Variants in NFATC3 observed in about 807,000 individuals in gnomAD.
The protein encoded by NFATC3 is nuclear factor of activated T cells 3, also known as nuclear factor of activated T-cells, cytoplasmic 3.
In NFATC3, 46 loss-of-function variants were observed where a neutral mutation model predicts 98.6. The observed-to-expected ratio is 0.47, with a 90% CI of 0.37 to 0.60. NFATC3 has a LOEUF of 0.60. Among genes scored for constraint, NFATC3 ranks in the 20% least tolerant of loss-of-function variants. NFATC3 has a pLI of 0.00. For synonymous variants in NFATC3, 512 were observed against 472.2 expected, an observed-to-expected ratio of 1.08 and a Z score of -1.09; for missense variants, 1,256 against 1,295.5, an observed-to-expected ratio of 0.97 and a Z score of 0.47.
At chr16:68,093,560 C>T (rs920220970) in intron 1 of NFATC3, among the ~76,000 whole-genome samples, 4 of 152,216 alleles carry the variant, frequency 2.6e-5, no homozygotes, top group Non-Finnish European at 5.9e-5. Flanking sequence ...TTTGCGCAAC[C>T]TATAATTTTG....
chr16:68,226,614 C>G lies in NFATC3; in HGVS notation c.*143C>G. 1.0e-6 allele frequency: 1 copy of G among 959,084 alleles called. No individual in the cohort carries two copies. The highest frequency in any genetic ancestry group is 1.5e-6 in the Non-Finnish European group (1 of 688,124). 59.4% of individuals were successfully genotyped at this position (959,084 alleles called of 1,614,324 possible). The stretch of plus-strand genomic sequence containing the variant: ...TGTGGGGAAAGTAGCATTCCTCCAC[C>G]TCAGGCCTTGGGTAGATTTGGCAAA... On this transcript the variant is annotated 3_prime_UTR_variant, in exon 10 of 10. Transcript: ENST00000346183.
chr16:68,157,996 G>A lies in NFATC3; in HGVS notation c.1529G>A (p.Ser510Asn). 2 of 1,613,898 alleles carry A rather than the reference G, an allele frequency of 1.2e-6. No individual in the cohort carries two copies. Among genetic ancestry groups the A allele is most frequent in the Non-Finnish European group, 8.5e-7 (1 of 1,179,910 alleles). ...RITGKTVATA[S>N]QEIIIASTKV... ...ACTGGGAAGACAGTCGCTACTGCAA[G>A]CCAAGAGATAATAATTGCCAGTACA... The change falls in exon 4 of 10, where the codon AGC (serine) becomes AAC (asparagine). Residue 510 changes from serine to asparagine, a missense_variant. Transcript: ENST00000346183.
chr16:68,217,017 T>A (rs987104708), intron 9 of NFATC3, among the ~76,000 whole-genome samples: 4 of 152,200 alleles, frequency 2.6e-5, no homozygotes, highest in African/African-American at 9.7e-5. Flanking sequence ...TATCTTCAAA[T>A]CGTGCATGTA....
chr16:68,085,638 C>A lies in NFATC3; in HGVS notation c.-44C>A. 1 of 1,467,142 alleles carries A rather than the reference C, an allele frequency of 6.8e-7. No homozygotes were observed. Among genetic ancestry groups the A allele is most frequent in the South Asian group, 1.3e-5 (1 of 77,592 alleles). The allele number at this position is 1,467,142 out of a possible 1,614,324, so 90.9% of individuals were successfully genotyped here. A position where few individuals can be genotyped will look rare whatever the true frequency, so the allele number is the denominator to read the frequency against. On this transcript the variant is annotated 5_prime_UTR_variant, in exon 1 of 10. Coordinates refer to ENST00000346183, the MANE Select transcript of NFATC3 (RefSeq NM_173165.3). ...CTGCTGCCGCCGCTTGCCGCTGCCG[C>A]CGCCGCCGCCTGAGGAGGAGCTGCA...
intron 3 of NFATC3, among the ~76,000 whole-genome samples, chr16:68,145,594 T>C (rs1343293780): frequency 3.3e-5 from 5 of 152,162 alleles, no homozygotes; most frequent in South Asian, 2.1e-4. Context: ...CATAGACTTA[T>C]GCTGAGTGGA....
At chr16:68,156,827 T>C (rs932251895) in intron 3 of NFATC3, among the ~76,000 whole-genome samples, 7 of 152,006 alleles carry the variant, frequency 4.6e-5, no homozygotes, top group African/African-American at 1.7e-4. Flanking sequence ...TAATCCCAGC[T>C]ACTCGGGAGG....
chr16:68,183,430 C>T (rs2040027989), intron 8 of NFATC3, 64 bp downstream of exon 8: 14 of 1,558,680 alleles, frequency 9.0e-6, no homozygotes, highest in African/African-American at 4.1e-5. Flanking sequence ...AGTTATTTAA[C>T]GAATCCTATA....
chr16:68,092,440 A>G lies in NFATC3; in HGVS notation c.103+6656A>G, dbSNP rs140874026. 3.1e-4 allele frequency among the ~76,000 whole-genome samples: 46 copies of G among 147,738 alleles called. No individual in the cohort carries two copies. In the East Asian group the frequency reaches 9.1e-3, roughly 29 times the overall value. ...TGCACTCCAGCCTGGGGGACAGAGTAAAACTCTCTCTCAAAAAAAAAAAAA... is the reference window on the plus strand; with the variant it reads ...TGCACTCCAGCCTGGGGGACAGAGTGAAACTCTCTCTCAAAAAAAAAAAAA... On this transcript the variant is annotated intron_variant, in intron 1 of 9. Coordinates refer to ENST00000346183, the MANE Select transcript of NFATC3 (RefSeq NM_173165.3).
chr16:68,086,797 C>T, intron 1 of NFATC3: 1 of 985,044 alleles, frequency 1.0e-6, no homozygotes, highest in Non-Finnish European at 1.2e-6. Context: ...ATTCTCTAGG[C>T]GGTACTTATT....
chr16:68,208,156 C>T (rs2041227071), intron 9 of NFATC3, among the ~76,000 whole-genome samples: 1 of 152,088 alleles, frequency 6.6e-6, no homozygotes, highest in African/African-American at 2.4e-5. Flanking sequence ...CTGCCTCAGC[C>T]TCCTGAGTAG....
intron 1 of NFATC3, among the ~76,000 whole-genome samples, chr16:68,092,233 A>G (rs970334002): frequency 6.6e-6 from 1 of 151,768 alleles, no homozygotes; most frequent in Non-Finnish European, 1.5e-5. Flanking sequence ...AGGCGGGTGG[A>G]TCACCTGAGG....
rs147672259 is a variant in NFATC3 at position 68,127,419 on chromosome 16, G to A, written c.1401+809G>A. Among the ~76,000 whole-genome samples, 786 of 152,192 alleles carry A rather than the reference G, an allele frequency of 5.2e-3. 4 individuals are homozygous for A. Among genetic ancestry groups the A allele is most frequent in the African/African-American group, 0.018 (753 of 41,518 alleles). On this transcript the variant is annotated intron_variant, in intron 3 of 9. Coordinates refer to ENST00000346183, the MANE Select transcript of NFATC3 (RefSeq NM_173165.3). The stretch of plus-strand genomic sequence containing the variant: ...AAGGAAAGAATTTTTTAAGGAAAGA[G>A]ATTACATCTGTAATCCCAGCACTTT...
chr16:68,228,388 C>T lies in NFATC3; in HGVS notation c.*1917C>T, dbSNP rs899123925. On this transcript the variant is annotated 3_prime_UTR_variant, in exon 10 of 10. Transcript: ENST00000346183. The stretch of plus-strand genomic sequence containing the variant: ...AGAGAAATGGCCAGACTTGCCCCTA[C>T]CCTTTTGCCCCTGGTGTAGCTGCCT... 2 of 152,148 alleles carry T rather than the reference C, an allele frequency of 1.3e-5. No homozygotes were observed. Among genetic ancestry groups the T allele is most frequent in the African/African-American group, 4.8e-5 (2 of 41,422 alleles). 9.4% of individuals were successfully genotyped at this position (152,148 alleles called of 1,614,324 possible).
intron 9 of NFATC3, among the ~76,000 whole-genome samples, chr16:68,211,154 A>G (rs1032768028): frequency 6.6e-5 from 10 of 151,348 alleles, no homozygotes; most frequent in African/African-American, 2.4e-4. Flanking sequence ...CTTTTCTTTA[A>G]TCTTTTTAAG....
At chr16:68,127,261 C>G (rs1369778426) in intron 3 of NFATC3, among the ~76,000 whole-genome samples, 1 of 151,950 alleles carries the variant, frequency 6.6e-6, no homozygotes, top group Non-Finnish European at 1.5e-5. Flanking sequence ...GAAGGATAAG[C>G]AACAAATTAC....
chr16:68,196,963 G>A (rs1950909538), intron 9 of NFATC3, among the ~76,000 whole-genome samples: 1 of 152,124 alleles, frequency 6.6e-6, no homozygotes, highest in Non-Finnish European at 1.5e-5. Context: ...CTGGGAGGCT[G>A]AGGTTGCGGT....
intron 1 of NFATC3, chr16:68,089,075 T>C (rs1325983479): frequency 1.0e-6 from 1 of 985,366 alleles, no homozygotes; most frequent in Non-Finnish European, 1.2e-6. Context: ...TTGGCTTTTA[T>C]TGATGAGTTC....
intron 1 of NFATC3, among the ~76,000 whole-genome samples, chr16:68,095,469 C>G (rs2034971013): frequency 6.6e-6 from 1 of 151,150 alleles, no homozygotes; most frequent in Non-Finnish European, 1.5e-5. Flanking sequence ...TTTCCTGCCT[C>G]ATGCCTCCCA....
chr16:68,179,262 T>A (rs1022890214), intron 6 of NFATC3, among the ~76,000 whole-genome samples: 5 of 152,184 alleles, frequency 3.3e-5, no homozygotes, highest in African/African-American at 1.2e-4. Flanking sequence ...AGTGTACCTT[T>A]ATTAATTATT....
Sources: allele counts gnomAD v4.1 joint callset (sites outside exome capture counted in the v4.1 genomes callset), GRCh38; gene constraint gnomAD v4.1.1; transcripts MANE v1.5; gene names NCBI Gene and HGNC (gene_info 2026-07-23, HGNC 2026-07-21).